XKR4: variants seen among roughly 807,000 people sequenced by gnomAD.
The protein encoded by XKR4 is XK-related protein 4.
Under a neutral mutation model 53.9 loss-of-function variants are expected in XKR4, and 12 were observed. The ratio of observed to expected loss-of-function variants is 0.22; its 90% CI spans 0.14 to 0.36. The LOEUF (loss-of-function observed/expected upper bound fraction) is 0.36. Among genes scored for constraint, XKR4 ranks in the 10% least tolerant of loss-of-function variants. The pLI, the probability that XKR4 is intolerant of heterozygous loss-of-function variation, is 1.00. For missense variants in XKR4, 799 were observed against 859.5 expected (o/e 0.93, Z 0.88); for synonymous variants, 354 against 362.4 (o/e 0.98, Z 0.26).
intron 1 of XKR4, among the ~76,000 whole-genome samples, chr8:55,137,788 T>C (rs2129353821): frequency 6.6e-6 from 1 of 152,186 alleles, no homozygotes; most frequent in Non-Finnish European, 1.5e-5. Context: ...CCCAGGCTGG[T>C]CTCAAACTCC....
intron 1 of XKR4, among the ~76,000 whole-genome samples, chr8:55,148,337 G>T (rs920739513): frequency 1.3e-5 from 2 of 151,990 alleles, no homozygotes; most frequent in African/African-American, 2.4e-5. Context: ...CCCAGGAGGC[G>T]GAGGTTGCAG....
At chr8:55,187,491 A>C (rs954520926) in intron 1 of XKR4, among the ~76,000 whole-genome samples, 3 of 152,162 alleles carry the variant, frequency 2.0e-5, no homozygotes, top group Admixed American at 1.3e-4. Context: ...GCTTTAATGA[A>C]CTTGGTTGAC....
chr8:55,198,192 T>C (rs1817530031), intron 1 of XKR4, among the ~76,000 whole-genome samples: 1 of 152,164 alleles, frequency 6.6e-6, no homozygotes, highest in Non-Finnish European at 1.5e-5. Flanking sequence ...AGGTTGGGTC[T>C]CCGTGGCCTG....
At chr8:55,166,580 G>A (rs2129357923) in intron 1 of XKR4, among the ~76,000 whole-genome samples, 1 of 152,296 alleles carries the variant, frequency 6.6e-6, no homozygotes, top group Non-Finnish European at 1.5e-5. Context: ...CACATAGTAT[G>A]TATGATGATG....
chr8:55,516,311 A>C (rs1482527377), intron 2 of XKR4, among the ~76,000 whole-genome samples: 2 of 152,212 alleles, frequency 1.3e-5, no homozygotes, highest in African/African-American at 2.4e-5. Context: ...TGGTTTACTT[A>C]GAAATTATGC....
At chr8:55,414,591 G>A (rs1276989251) in intron 2 of XKR4, among the ~76,000 whole-genome samples, 1 of 150,812 alleles carries the variant, frequency 6.6e-6, no homozygotes, top group Non-Finnish European at 1.5e-5. Context: ...AATCTCAGAT[G>A]TACTATATTC....
intron 1 of XKR4, among the ~76,000 whole-genome samples, chr8:55,199,478 T>C (rs1041367577): frequency 6.6e-6 from 1 of 152,232 alleles, no homozygotes; most frequent in Non-Finnish European, 1.5e-5. Context: ...ATTCTGCATA[T>C]GGTTATTTTA....
intron 1 of XKR4, among the ~76,000 whole-genome samples, chr8:55,297,640 A>G (rs1159294777): frequency 6.6e-6 from 1 of 152,232 alleles, no homozygotes; most frequent in African/African-American, 2.4e-5. Context: ...GAATGTTGTC[A>G]TAACTTTTTA....
At position 55,440,089 on chromosome 8, in the gene XKR4, A is replaced by T. The variant is rs576579189; in HGVS notation, c.1006+82212A>T. On this transcript the variant is annotated intron_variant, in intron 2 of 2. Transcript: ENST00000327381. ...TAGATGATGTCAGAATAGTATCTTC[A>T]AAGTGTGGAGAAATTTTAAAAAACT... Among the ~76,000 whole-genome samples the T allele has an allele frequency of 8.6e-4, 131 of 152,342 alleles. 1 individual carries two copies. The highest frequency in any genetic ancestry group is 3.1e-3 in the African/African-American group (129 of 41,582).
chr8:55,453,135 C>T, intron 2 of XKR4: 1 of 526,706 alleles, frequency 1.9e-6, no homozygotes, highest in Non-Finnish European at 3.8e-6. Context: ...AGAACACGGC[C>T]TCCCAGAACT....
chr8:55,422,597 C>T (rs192427622), intron 2 of XKR4, among the ~76,000 whole-genome samples: 88 of 152,332 alleles, frequency 5.8e-4, no homozygotes, highest in African/African-American at 2.1e-3. Context: ...CCAGGGAACA[C>T]AGCAGTGCAA....
chr8:55,303,835 G>A (rs1034174643), intron 1 of XKR4, among the ~76,000 whole-genome samples: 4 of 152,136 alleles, frequency 2.6e-5, no homozygotes, highest in Non-Finnish European at 5.9e-5. Flanking sequence ...TGTGGGATCG[G>A]TGGTGATATC....
At chr8:55,481,773 C>T (rs1252172542) in intron 2 of XKR4, among the ~76,000 whole-genome samples, 4 of 152,134 alleles carry the variant, frequency 2.6e-5, no homozygotes, top group African/African-American at 9.7e-5. Flanking sequence ...GACATTTATG[C>T]AGCCAAAAGA....
At position 55,179,637 on chromosome 8, in the gene XKR4, G is replaced by GA. The variant is rs1817281042; in HGVS notation, c.806+76344dup. On this transcript the variant is annotated intron_variant, in intron 1 of 2. Coordinates refer to ENST00000327381, the MANE Select transcript of XKR4 (RefSeq NM_052898.2). ...CCAAAAGCACAACTAGCTTGAGGTA[G>GA]AGTATTTATTCTCTATGTTCTCGCT... Among the ~76,000 whole-genome samples the GA allele has an allele frequency of 2.6e-5, 4 of 152,184 alleles. No homozygotes were observed. In the South Asian group the frequency reaches 8.3e-4, roughly 32 times the overall value.
At chr8:55,409,194 C>T (rs914436867) in intron 2 of XKR4, among the ~76,000 whole-genome samples, 58 of 152,316 alleles carry the variant, frequency 3.8e-4, no homozygotes, top group African/African-American at 1.3e-3. Flanking sequence ...TGTGTAAACC[C>T]TGTGTTGGAG....
intron 2 of XKR4, among the ~76,000 whole-genome samples, chr8:55,483,185 T>C (rs116662626): frequency 0.016 from 2,436 of 152,272 alleles, 65 homozygotes; most frequent in African/African-American, 0.056. Context: ...GATCAATTTT[T>C]TCAGACCACA....
intron 1 of XKR4, among the ~76,000 whole-genome samples, chr8:55,314,928 G>A (rs891766526): frequency 1.3e-5 from 2 of 152,170 alleles, no homozygotes; most frequent in Non-Finnish European, 2.9e-5. Context: ...GTATCCAGAG[G>A]GACTGTGTTG....
At chr8:55,177,984 G>A (rs1336074330) in intron 1 of XKR4, among the ~76,000 whole-genome samples, 1 of 152,124 alleles carries the variant, frequency 6.6e-6, no homozygotes, top group Non-Finnish European at 1.5e-5. Flanking sequence ...GCCCTGTGGA[G>A]GTGCTCCAAA....
At chr8:55,442,136 A>G (rs1395282742) in intron 2 of XKR4, among the ~76,000 whole-genome samples, 3 of 152,198 alleles carry the variant, frequency 2.0e-5, no homozygotes, top group African/African-American at 7.2e-5. Flanking sequence ...ACAAATTTTA[A>G]AAAGAAATAA....
Sources: allele counts gnomAD v4.1 joint callset (sites outside exome capture counted in the v4.1 genomes callset), GRCh38; gene constraint gnomAD v4.1.1; transcripts MANE v1.5; gene names NCBI Gene and HGNC (gene_info 2026-07-23, HGNC 2026-07-21).